NID1: variants seen among roughly 807,000 people sequenced by gnomAD.
NID1 encodes the protein nidogen 1.
In NID1, 76 loss-of-function variants were observed where a neutral mutation model predicts 130.6. That is an observed-to-expected ratio of 0.58 (90% confidence interval 0.48 to 0.70). The LOEUF is 0.70. NID1 is among the 30% of genes least tolerant of loss of function. The probability of loss-of-function intolerance (pLI) is 0.00; values close to 1 mark genes in which losing one functional copy is unlikely to be tolerated. For missense variants in NID1, 1,517 were observed against 1,664.8 expected (o/e 0.91, Z 1.54); for synonymous variants, 665 against 675.1 (o/e 0.98, Z 0.23).
Position 236,011,957 on chromosome 1 carries a change from C to G in NID1, c.2491G>C (p.Gly831Arg), listed in dbSNP as rs765308903. 6.2e-7 allele frequency: 1 copy of G among 1,614,200 alleles called. No individual in the cohort carries two copies. The highest frequency in any genetic ancestry group is 1.7e-5 in the Admixed American group (1 of 60,028). ...CAACGGAAGCCGTCTCCCTGATAAC[C>G]AGGTTTGCACTGGCACGTGAAAGAG... is the stretch of plus-strand genomic sequence containing the variant. ...PGSFTCQCKP[G>R]YQGDGFRCVP... The change falls in exon 12 of 20, where the codon GGT (glycine) becomes CGT (arginine). Residue 831 changes from glycine (G) to arginine (R), a missense_variant. Around this residue, in one of 3 missense-constraint regions of NID1, gnomAD observed 1,329 missense variants for 1,429.2 expected, o/e 0.93. Coordinates refer to ENST00000264187, the MANE Select transcript of NID1 (RefSeq NM_002508.3).
rs182011084 is a variant in NID1 at position 236,000,200 on chromosome 1, C to G, written c.2528-6328G>C. On this transcript the variant is annotated intron_variant, in intron 12 of 19. Transcript: ENST00000264187. ...CTGCACTCCAGCCTGGGTGACAGAGCGAGACTCTATCTCAATTAAAACAAC... is the reference window on the plus strand; with the variant it reads ...CTGCACTCCAGCCTGGGTGACAGAGGGAGACTCTATCTCAATTAAAACAAC... 5.5e-3 allele frequency among the ~76,000 whole-genome samples: 768 copies of G among 138,702 alleles called. 6 individuals are homozygous for G. The highest frequency in any genetic ancestry group is 0.024 in the African/African-American group (700 of 29,116). 91.0% of individuals were successfully genotyped at this position (138,702 alleles called of 152,430 possible).
At position 236,032,481 on chromosome 1, in the gene NID1, G is replaced by A. The variant is rs748530701; in HGVS notation, c.1457C>T (p.Pro486Leu). ...IPETVGYSLL[P>L]LAPVGGIIGW... ...AATGATGCCTCCAACTGGGGCCAGT[G>A]GAAGCAGAGAATATCCAACGGTCTC... The change falls in exon 6 of 20, where the codon CCA becomes CTA. Residue 486 changes from proline (P) to leucine (L), a missense_variant. Physicochemically the swap from Pro to Leu is moderately conservative, Grantham distance 98. Coordinates refer to ENST00000264187, the MANE Select transcript of NID1 (RefSeq NM_002508.3). 1.2e-6 allele frequency: 2 copies of A among 1,614,160 alleles called. No individual in the cohort carries two copies. Among genetic ancestry groups the A allele is most frequent in the Admixed American group, 3.3e-5 (2 of 60,016 alleles).
chr1:235,988,502 G>C lies in NID1; in HGVS notation c.2928+2384C>G, dbSNP rs532237986. On this transcript the variant is annotated intron_variant, in intron 14 of 19. Coordinates refer to ENST00000264187, the MANE Select transcript of NID1 (RefSeq NM_002508.3). ...TCAAAAAATTAAATATAGAATTACT[G>C]TATGATCCAGCAATTCCACTTTGGT... Among the ~76,000 whole-genome samples, 10 of 152,322 alleles carry C rather than the reference G, an allele frequency of 6.6e-5. No homozygotes were observed. In the South Asian group the frequency reaches 2.1e-3, roughly 32 times the overall value.
chr1:236,025,924 A>G lies in NID1; in HGVS notation c.1956T>C (p.Ala652=), dbSNP rs776305729. ...YNQEEKILRY[A]LSNSIGPVRE... is the part of the protein sequence containing the mutation. ...TCACAGGCCCAATGGAGTTGCTGAG[A>G]GCATAGCGCAAGATCTTCTCCTCCT... is the stretch of plus-strand genomic sequence containing the variant. The change falls in exon 8 of 20, where the codon GCT becomes GCC. Residue 652 remains alanine (A), a synonymous_variant. Transcript: ENST00000264187. 5 of 1,613,790 alleles carry G rather than the reference A, an allele frequency of 3.1e-6. No homozygotes were observed. The African/African-American group carries it at 4.0e-5, about 13-fold the overall frequency.
Position 235,977,879 on chromosome 1 carries a change from G to A in NID1, c.3732C>T (p.Ile1244=), listed in dbSNP as rs772051661. ...GGCACTCTTGTCTTCATTTCTGTTC[G>A]ATACAGTCAACTCCCAAGGTGTTGT... ...CPDNTLGVDC[I]EQK The change falls in exon 20 of 20, where the codon ATC becomes ATT. Residue 1244 remains isoleucine, a synonymous_variant. Coordinates refer to ENST00000264187, the MANE Select transcript of NID1 (RefSeq NM_002508.3). The A allele has an allele frequency of 6.8e-6, 11 of 1,613,966 alleles. No homozygotes were observed. The highest frequency in any genetic ancestry group is 1.3e-5 in the African/African-American group (1 of 74,920).
At position 236,040,982 on chromosome 1, in the gene NID1, A is replaced by G. The variant is rs145517766; in HGVS notation, c.1135+928T>C. ...GCCTGGCTAGAACATCTTTTATAAGAAAAATGAAAGCATCCAGGAGTTCTA... is the reference window on the plus strand; with the variant it reads ...GCCTGGCTAGAACATCTTTTATAAGGAAAATGAAAGCATCCAGGAGTTCTA... On this transcript the variant is annotated intron_variant, in intron 4 of 19. Coordinates refer to ENST00000264187, the MANE Select transcript of NID1 (RefSeq NM_002508.3). Among the ~76,000 whole-genome samples, 284 of 152,118 alleles carry G rather than the reference A, an allele frequency of 1.9e-3. 3 individuals carry two copies. Among genetic ancestry groups the G allele is most frequent in the East Asian group, 3.5e-3 (18 of 5,136 alleles).
chr1:236,029,889 G>T, intron 6 of NID1, 139 bp from the exon 7 acceptor site: 1 of 731,952 alleles, frequency 1.4e-6, no homozygotes, highest in Non-Finnish European at 2.3e-6. Context: ...TAGAACTGGT[G>T]ACACTGAAGA....
chr1:236,056,565 C>T (rs1039859717), intron 1 of NID1, among the ~76,000 whole-genome samples: 9 of 152,142 alleles, frequency 5.9e-5, no homozygotes, highest in Non-Finnish European at 1.3e-4. Context: ...ACTCTGCTAC[C>T]AAACACTAGA....
At chr1:236,057,895 CAT>C (rs140582997) in intron 1 of NID1, among the ~76,000 whole-genome samples, 1,672 of 152,294 alleles carry the variant, frequency 0.011, 35 homozygotes, top group African/African-American at 0.037. Context: ...GGGTTTATCA[CAT>C]GTTTCTTTCT....
At chr1:236,026,192 T>G in intron 7 of NID1, 51 bp from the exon 8 acceptor site, 1 of 1,598,668 alleles carries the variant, frequency 6.3e-7, no homozygotes, top group Non-Finnish European at 8.5e-7. Context: ...AGAGGGAAGA[T>G]GGTTAAGGAT....
intron 6 of NID1, among the ~76,000 whole-genome samples, chr1:236,032,161 T>C (rs147695914): frequency 1.4e-4 from 22 of 152,320 alleles, no homozygotes; most frequent in African/African-American, 5.3e-4. Context: ...TGCTCCTCAA[T>C]CAAAACCCAA....
intron 2 of NID1, among the ~76,000 whole-genome samples, chr1:236,048,207 C>T (rs903800515): frequency 2.1e-5 from 3 of 143,112 alleles, no homozygotes; most frequent in Non-Finnish European, 4.6e-5. Context: ...TGGTGGTGGT[C>T]GCCTGTAGTC....
chr1:236,042,819 G>T (rs1008282846), intron 3 of NID1, among the ~76,000 whole-genome samples: 1 of 152,156 alleles, frequency 6.6e-6, no homozygotes, highest in African/African-American at 2.4e-5. Flanking sequence ...TGAGTTGACT[G>T]ATGGCTGGGA....
rs748390125 is a variant in NID1, at chr1:236,029,599, G to A, written c.1689C>T (p.Ser563=). The A allele has an allele frequency of 1.9e-6, 3 of 1,592,434 alleles. No individual in the cohort carries two copies. The highest frequency in any genetic ancestry group is 1.1e-5 in the South Asian group (1 of 88,158). ...EGRVPQIPFG[S]SVHIEPYTEL... is the part of the protein sequence containing the mutation. Reference sequence around the variant, plus strand: ...CCGTGTAGGGCTCAATGTGCACGGAGGAGCCGAACGGAATCTGCGGCACGC... The same window carrying A: ...CCGTGTAGGGCTCAATGTGCACGGAAGAGCCGAACGGAATCTGCGGCACGC... The change falls in exon 7 of 20, where the codon TCC becomes TCT. Residue 563 remains serine (S), a synonymous_variant. Coordinates refer to ENST00000264187, the MANE Select transcript of NID1 (RefSeq NM_002508.3).
rs1659681109 is a variant in NID1 at position 236,048,729 on chromosome 1, G to T, written c.486C>A (p.Pro162=). 8.1e-6 allele frequency: 13 copies of T among 1,612,542 alleles called. No individual in the cohort carries two copies. Among genetic ancestry groups the T allele is most frequent in the Non-Finnish European group, 1.1e-5 (13 of 1,179,994 alleles). Residue 162 remains proline (P), a synonymous_variant, in exon 2 of 20, where the codon CCC becomes CCA. Transcript: ENST00000264187. ...AVVVTWESVA[P]YQGPSRDPDQ... The stretch of plus-strand genomic sequence containing the variant: ...CTGGGTCCCTGCTGGGCCCTTGGTA[G>T]GGGGCCACGGATTCCCAAGTGACAA...
At position 236,065,071 on chromosome 1, in the gene NID1, GGCC is replaced by G; in HGVS notation, c.6_8del (p.Leu2_Ala3delinsPhe). 1 of 1,550,336 alleles carries G rather than the reference GGCC, an allele frequency of 6.5e-7. No homozygotes were observed. The highest frequency in any genetic ancestry group is 8.7e-7 in the Non-Finnish European group (1 of 1,146,950). On this transcript the variant is annotated inframe_deletion, in exon 1 of 20. Coordinates refer to ENST00000264187, the MANE Select transcript of NID1 (RefSeq NM_002508.3). The surrounding 1 kb of genome is among the most constrained non-coding windows in gnomAD (Gnocchi z 4.1). ...ACGCAGCCCGGATCCGGCTGCTCGA[GGCC>G]AACATGTTCCCGAACTGCGGTCCCG...
Position 236,032,401 on chromosome 1 carries a change from C to T in NID1, c.1537G>A (p.Gly513Arg), listed in dbSNP as rs773909966. The T allele has an allele frequency of 1.1e-5, 18 of 1,613,132 alleles. No individual in the cohort carries two copies. Among genetic ancestry groups the T allele is most frequent in the East Asian group, 2.2e-5 (1 of 44,880 alleles). ...AATTTTAATGTCGGATATAAATTACCGGTGATGCTGAACCCATTCTTGAAT... is the reference window on the plus strand; with the variant it reads ...AATTTTAATGTCGGATATAAATTACTGGTGATGCTGAACCCATTCTTGAAT... Reference protein sequence around the residue: ...DGFKNGFSITGGEFTRQAEVT... With the variant: ...DGFKNGFSITRGEFTRQAEVT... The change falls in exon 6 of 20, where the codon GGG (glycine) becomes AGG (arginine). Residue 513 changes from glycine to arginine, a missense_variant and splice_region_variant. This residue lies in a region of NID1 where 1,329 missense variants were observed against 1,429.2 expected (regional missense o/e 0.93). Transcript: ENST00000264187.
At chr1:235,993,583 CAA>C (rs1197470299) in intron 13 of NID1, 60 bp downstream of exon 13, 1 of 1,370,562 alleles carries the variant, frequency 7.3e-7, no homozygotes, top group East Asian at 2.5e-5. Flanking sequence ...GCGTGTTCAG[CAA>C]TTCCGGTCCC....
chr1:236,016,274 C>T (rs907480144), intron 10 of NID1, among the ~76,000 whole-genome samples: 1 of 152,164 alleles, frequency 6.6e-6, no homozygotes, highest in Non-Finnish European at 1.5e-5. Flanking sequence ...TGCCTGTTCC[C>T]TCCCACCCTC....
Sources: allele counts gnomAD v4.1 joint callset (sites outside exome capture counted in the v4.1 genomes callset), GRCh38; gene constraint gnomAD v4.1.1; regional missense constraint gnomAD v4.1.1; non-coding constraint Gnocchi (gnomAD v3.1); transcripts MANE v1.5; gene names NCBI Gene and HGNC (gene_info 2026-07-23, HGNC 2026-07-21).